PAPPA: variants seen among roughly 807,000 people sequenced by gnomAD.
PAPPA encodes pappalysin-1.
PAPPA carries 60 observed loss-of-function variants against 164.0 expected under a neutral mutation model. The observed-to-expected ratio is 0.37, with a 90% CI of 0.30 to 0.45. The LOEUF is 0.45. Among genes scored for constraint, PAPPA ranks in the 20% least tolerant of loss-of-function variants. The probability of loss-of-function intolerance (pLI) is 1.00; values close to 1 mark genes in which losing one functional copy is unlikely to be tolerated. For synonymous variants in PAPPA, 875 were observed against 814.1 expected (o/e 1.07, Z -1.27); for missense variants, 1,782 against 2,087.3 (o/e 0.85, Z 2.85).
In PAPPA at chr9:116,296,469, T is replaced by G. The variant is rs143025231; in HGVS notation, c.2954-6288T>G. 9.5e-3 allele frequency among the ~76,000 whole-genome samples: 1,447 copies of G among 152,284 alleles called. 15 individuals carry two copies. The highest frequency in any genetic ancestry group is 0.037 in the South Asian group (177 of 4,822). On this transcript the variant is annotated intron_variant, in intron 9 of 21. Coordinates refer to ENST00000328252, the MANE Select transcript of PAPPA (RefSeq NM_002581.5). ...CTGTTATGGGTTGGAAATACTACCG[T>G]GAAGGACTCCACAATTCTGTTCGCA...
chr9:116,398,417 A>C lies in PAPPA; in HGVS notation c.*1801A>C, dbSNP rs1278449302. The C allele has an allele frequency of 2.6e-6, 1 of 382,554 alleles. No individual in the cohort carries two copies. The highest frequency in any genetic ancestry group is 4.8e-6 in the Non-Finnish European group (1 of 208,870). 23.7% of individuals were successfully genotyped at this position (382,554 alleles called of 1,614,324 possible). On this transcript the variant is annotated 3_prime_UTR_variant, in exon 22 of 22. Coordinates refer to ENST00000328252, the MANE Select transcript of PAPPA (RefSeq NM_002581.5). The stretch of plus-strand genomic sequence containing the variant: ...AGCATAGGGATAGAAAATACCATGC[A>C]CGTGTGCAGCCCCACCTAATTCCTG...
At position 116,331,356 on chromosome 9, in the gene PAPPA, G is replaced by A. The variant is rs200046193; in HGVS notation, c.3260G>A (p.Arg1087Gln). The change falls in exon 11 of 22, where the codon CGG becomes CAG. Residue 1087 changes from arginine (R) to glutamine (Q), a missense_variant and splice_region_variant. Arg to Gln is a conservative substitution (Grantham distance 43, BLOSUM62 1). Coordinates refer to ENST00000328252, the MANE Select transcript of PAPPA (RefSeq NM_002581.5). ...SQLAQTTFWL[R>Q]AYFSQPMVAA... ...CTGGCTCAGACCACTTTTTGGCTCC[G>A]GGTAAGCTGAAGCTCTGAGAGCTTT... The A allele has an allele frequency of 3.7e-4, 583 of 1,584,776 alleles. 1 individual carries two copies. The highest frequency in any genetic ancestry group is 2.4e-4 in the Non-Finnish European group (280 of 1,153,492).
chr9:116,232,045 C>G (rs1233788286), intron 6 of PAPPA, among the ~76,000 whole-genome samples: 1 of 152,096 alleles, frequency 6.6e-6, no homozygotes. Flanking sequence ...TGAGCCACCG[C>G]ACCTGGCCAA....
At chr9:116,313,341 G>A (rs556313150) in intron 10 of PAPPA, among the ~76,000 whole-genome samples, 16 of 152,266 alleles carry the variant, frequency 1.1e-4, no homozygotes, top group Admixed American at 9.8e-4. Context: ...TGCAGGTGGT[G>A]AAAGGGGACA....
At chr9:116,286,862 A>C (rs1845345999) in intron 9 of PAPPA, 1 of 152,160 alleles carries the variant, frequency 6.6e-6, no homozygotes, top group African/African-American at 2.4e-5. Context: ...ACAGTTGGGA[A>C]GGTAGTCATT....
chr9:116,195,891 AT>A (rs34757510), intron 2 of PAPPA, among the ~76,000 whole-genome samples: 27,822 of 152,030 alleles, frequency 0.18, 3,268 homozygotes, highest in East Asian at 0.35. Context: ...TTTTTAAAAT[AT>A]TTTTTTTAAT....
At chr9:116,369,522 A>G (rs1846545261) in intron 19 of PAPPA, among the ~76,000 whole-genome samples, 1 of 151,916 alleles carries the variant, frequency 6.6e-6, no homozygotes, top group Admixed American at 6.6e-5. Flanking sequence ...ACTCCCACAT[A>G]CCCGAAAGCA....
rs375410817 is a variant in PAPPA at position 116,187,522 on chromosome 9, G to T, written c.784G>T (p.Ala262Ser). Reference sequence around the variant, plus strand: ...CGAGCACTTCAGTCTGTGGAAGGTGGCCAGGACTCAGCGGGAGATACTGTC... The same window carrying T: ...CGAGCACTTCAGTCTGTGGAAGGTGTCCAGGACTCAGCGGGAGATACTGTC... ...YIEHFSLWKV[A>S]RTQREILSDM... The change falls in exon 2 of 22, where the codon GCC becomes TCC. Residue 262 changes from alanine (A) to serine (S), a missense_variant. Ala to Ser is a moderately conservative substitution (Grantham distance 99). This residue lies in a region of PAPPA where 458 missense variants were observed against 430.3 expected (regional missense o/e 1.06). Transcript: ENST00000328252. This position sits in a 1 kb window ranked among gnomAD's most constrained non-coding sequence, Gnocchi z 4.2. 6.2e-7 allele frequency: 1 copy of T among 1,614,154 alleles called. No individual in the cohort carries two copies. The highest frequency in any genetic ancestry group is 1.1e-5 in the South Asian group (1 of 91,090).
Position 116,347,028 on chromosome 9 carries a change from G to A in PAPPA, c.3783G>A (p.Thr1261=), listed in dbSNP as rs748094008. 7.5e-6 allele frequency: 12 copies of A among 1,609,796 alleles called. No individual in the cohort carries two copies. The highest frequency in any genetic ancestry group is 4.4e-5 in the South Asian group (4 of 90,380). Residue 1261 remains threonine (T), a splice_region_variant and synonymous_variant, in exon 15 of 22, where the codon ACG becomes ACA. Transcript: ENST00000328252. This position sits in a 1 kb window ranked among gnomAD's most constrained non-coding sequence, Gnocchi z 4.5. The stretch of plus-strand genomic sequence containing the variant: ...CTATGCACGACTCTGCCTTTCAGAC[G>A]GGACCCAGCGTCACAGTGACCTGTA... ...RRDDELIKSQ[T]GPSVTVTCTE...
chr9:116,201,849 G>C (rs79425220), intron 2 of PAPPA, among the ~76,000 whole-genome samples: 1 of 152,084 alleles, frequency 6.6e-6, no homozygotes, highest in East Asian at 1.9e-4. Flanking sequence ...CAGTCTCTAG[G>C]TTGCTTAAAA....
chr9:116,158,113 T>C (rs1409232672), intron 1 of PAPPA, among the ~76,000 whole-genome samples: 1 of 152,140 alleles, frequency 6.6e-6, no homozygotes, highest in Admixed American at 6.5e-5. Context: ...GAAAAGGATT[T>C]ACCTGAATCC....
At chr9:116,185,236 G>A (rs759085214) in intron 1 of PAPPA, among the ~76,000 whole-genome samples, 11 of 152,212 alleles carry the variant, frequency 7.2e-5, no homozygotes, top group Middle Eastern at 3.2e-3. Flanking sequence ...GCTTCACTAA[G>A]GTTGTCCTGA....
At chr9:116,202,327 G>A (rs1034805340) in intron 2 of PAPPA, among the ~76,000 whole-genome samples, 1 of 152,182 alleles carries the variant, frequency 6.6e-6, no homozygotes, top group East Asian at 1.9e-4. Flanking sequence ...TCTCAGGCCA[G>A]TGCATTTAGG....
At chr9:116,360,424 A>G (rs1846410108) in intron 17 of PAPPA, among the ~76,000 whole-genome samples, 1 of 151,690 alleles carries the variant, frequency 6.6e-6, no homozygotes, top group Non-Finnish European at 1.5e-5. Context: ...TTGCAATTGT[A>G]CCCTCCTTTT....
intron 4 of PAPPA, among the ~76,000 whole-genome samples, chr9:116,218,172 T>TA (rs1485241347): frequency 1.3e-5 from 2 of 152,182 alleles, no homozygotes; most frequent in African/African-American, 4.8e-5. Context: ...CCAAATGTGT[T>TA]AAAGACTTCC....
Position 116,335,146 on chromosome 9 carries a change from G to T in PAPPA, c.3611+72G>T, listed in dbSNP as rs1846045627. 7.1e-6 allele frequency: 9 copies of T among 1,260,948 alleles called. 1 individual carries two copies. In the South Asian group the frequency reaches 9.8e-5, roughly 14 times the overall value. The allele number at this position is 1,260,948 out of a possible 1,614,324, so 78.1% of individuals were successfully genotyped here. A position where few individuals can be genotyped will look rare whatever the true frequency, so the allele number is the denominator to read the frequency against. On this transcript the variant is annotated intron_variant, in intron 13 of 21. Transcript: ENST00000328252. ...GGAGACAGTGTGATTTTGAAGCTGG[G>T]TAGCCATTTGTGTGGATGTAAAAAG...
At position 116,334,919 on chromosome 9, in the gene PAPPA, C is replaced by A; in HGVS notation, c.3456C>A (p.Leu1152=). The A allele has an allele frequency of 1.9e-6, 3 of 1,613,962 alleles. No homozygotes were observed. Among genetic ancestry groups the A allele is most frequent in the Non-Finnish European group, 2.5e-6 (3 of 1,179,978 alleles). The change falls in exon 13 of 22, where the codon CTC becomes CTA. Residue 1152 remains leucine, a synonymous_variant. Coordinates refer to ENST00000328252, the MANE Select transcript of PAPPA (RefSeq NM_002581.5). The stretch of plus-strand genomic sequence containing the variant: ...TGATTATCCCTGTGGTCCATGACCT[C>A]AGCCAGCCCTTCTACCACAGCCAGG... ...NPLIIPVVHD[L]SQPFYHSQAV... is the part of the protein sequence containing the mutation.
chr9:116,374,200 G>A (rs10817878), intron 19 of PAPPA, among the ~76,000 whole-genome samples: 19 of 96,444 alleles, frequency 2.0e-4, no homozygotes, highest in African/African-American at 5.1e-4. Flanking sequence ...GATGATGATG[G>A]TGGTGCCAAT....
chr9:116,195,810 G>C (rs896536566), intron 2 of PAPPA, among the ~76,000 whole-genome samples: 1 of 152,184 alleles, frequency 6.6e-6, no homozygotes, highest in African/African-American at 2.4e-5. Context: ...GCGGGAGTAA[G>C]AGACAGAAGT....
Sources: gnomAD v4.1 joint callset for allele counts (sites outside exome capture counted in the v4.1 genomes callset) on GRCh38, gnomAD v4.1.1 for gene constraint, gnomAD v4.1.1 regional missense constraint, Gnocchi (gnomAD v3.1) non-coding constraint, MANE v1.5 for transcripts, NCBI Gene and HGNC (gene_info 2026-07-23, HGNC 2026-07-21) for gene names.